Variants in IL17RD observed in about 807,000 individuals in gnomAD.
The protein encoded by IL17RD is interleukin-17 receptor D.
Under a neutral mutation model 80.5 loss-of-function variants are expected in IL17RD, and 52 were observed. The ratio of observed to expected loss-of-function variants is 0.65; its 90% confidence interval spans 0.52 to 0.81. IL17RD has a LOEUF of 0.81. IL17RD is among the 40% of genes least tolerant of loss of function. The pLI, the probability that IL17RD is intolerant of heterozygous loss-of-function variation, is 0.00. For missense variants in IL17RD, 1,024 were observed against 955.1 expected, an observed-to-expected ratio of 1.07 and a Z score of -0.95; for synonymous variants, 416 against 391.8, an observed-to-expected ratio of 1.06 and a Z score of -0.73.
intron 5 of IL17RD, among the ~76,000 whole-genome samples, chr3:57,108,995 G>C (rs766689256): frequency 6.6e-6 from 1 of 152,114 alleles, no homozygotes; most frequent in Non-Finnish European, 1.5e-5. Flanking sequence ...AATATCAACT[G>C]TCAGGTCTGT....
upstream of IL17RD, among the ~76,000 whole-genome samples, chr3:57,168,071 A>G (rs1011719741): frequency 6.6e-6 from 1 of 152,172 alleles, no homozygotes. Context: ...ACCTCAGGTA[A>G]TCTGCCTGCC....
At chr3:57,127,263 A>T (rs1365864193) in intron 1 of IL17RD, among the ~76,000 whole-genome samples, 1 of 91,234 alleles carries the variant, frequency 1.1e-5, no homozygotes, top group African/African-American at 6.6e-5. Context: ...AATATATATA[A>T]ATATATATAA....
chr3:57,118,638 T>G (rs1014510945), intron 2 of IL17RD, among the ~76,000 whole-genome samples: 1 of 152,258 alleles, frequency 6.6e-6, no homozygotes, highest in East Asian at 1.9e-4. Context: ...ACCCCCCACA[T>G]GCCCTTAGAA....
intron 2 of IL17RD, among the ~76,000 whole-genome samples, chr3:57,116,639 T>C (rs572955841): frequency 4.6e-5 from 7 of 152,310 alleles, no homozygotes; most frequent in African/African-American, 1.7e-4. Flanking sequence ...AACCAAATTC[T>C]ACTTCTAGTG....
rs763643058 is a variant in IL17RD, at chr3:57,098,555, G to A, written c.1165-17C>T. The stretch of plus-strand genomic sequence containing the variant: ...CAGAGCCACCTGGAAAGAGAACAAG[G>A]CACCTCACCCATACAGAAGGCTCGG... On this transcript the variant is annotated splice_polypyrimidine_tract_variant and intron_variant, in intron 11 of 12. Transcript: ENST00000296318. 9 of 1,541,120 alleles carry A rather than the reference G, an allele frequency of 5.8e-6. No individual in the cohort carries two copies. The highest frequency in any genetic ancestry group is 7.9e-6 in the Non-Finnish European group (9 of 1,134,248).
At chr3:57,134,706 G>T (rs544422770) in intron 1 of IL17RD, 21 of 687,812 alleles carry the variant, frequency 3.1e-5, no homozygotes, top group South Asian at 2.5e-4. Flanking sequence ...GTCTAAGGAG[G>T]AAGAGACCGA....
At position 57,105,779 on chromosome 3, in the gene IL17RD, T is replaced by C. The variant is rs1384606225; in HGVS notation, c.747+78A>G. The stretch of plus-strand genomic sequence containing the variant: ...GAGCCAACAAAGCCTAATGCTCACA[T>C]TGAGCAACCCAAATTCCAGTGGCCT... On this transcript the variant is annotated intron_variant, in intron 7 of 12. Transcript: ENST00000296318. 7.0e-6 allele frequency: 9 copies of C among 1,285,298 alleles called. No individual in the cohort carries two copies. The East Asian group carries it at 7.1e-5, about 10-fold the overall frequency. The allele number at this position is 1,285,298 out of a possible 1,614,324, so 79.6% of individuals were successfully genotyped here.
At chr3:57,107,919 TA>T (rs1459457801) in intron 5 of IL17RD, among the ~76,000 whole-genome samples, 2 of 152,118 alleles carry the variant, frequency 1.3e-5, no homozygotes, top group Non-Finnish European at 2.9e-5. Context: ...ACATGGACAT[TA>T]AATAAACAGA....
intron 1 of IL17RD, among the ~76,000 whole-genome samples, chr3:57,159,716 G>C (rs2060291149): frequency 6.6e-6 from 1 of 152,286 alleles, no homozygotes; most frequent in South Asian, 2.1e-4. Flanking sequence ...TGGCTGCCAG[G>C]GCAGGGTGGC....
At chr3:57,139,602 C>T (rs1707793395) in intron 1 of IL17RD, among the ~76,000 whole-genome samples, 1 of 151,582 alleles carries the variant, frequency 6.6e-6, no homozygotes. Flanking sequence ...CAGCCTCTGC[C>T]TCCTGGTTCC....
intron 1 of IL17RD, among the ~76,000 whole-genome samples, chr3:57,146,038 C>T (rs922874545): frequency 2.7e-5 from 4 of 147,774 alleles, no homozygotes; most frequent in East Asian, 2.2e-4. Flanking sequence ...CTCACGCGCG[C>T]GCGCGCGCAC....
chr3:57,166,188 C>T (rs979842664), upstream of IL17RD, among the ~76,000 whole-genome samples: 5 of 152,158 alleles, frequency 3.3e-5, no homozygotes, highest in Admixed American at 2.6e-4. Flanking sequence ...AGCGCTTTGC[C>T]TTTTATCTGA....
intron 1 of IL17RD, among the ~76,000 whole-genome samples, chr3:57,122,569 T>G (rs113498596): frequency 6.6e-6 from 1 of 152,134 alleles, no homozygotes. Flanking sequence ...GTGCTCCTTA[T>G]GAGAATCTAA....
intron 2 of IL17RD, among the ~76,000 whole-genome samples, chr3:57,116,917 C>T (rs1021051120): frequency 1.4e-5 from 2 of 147,116 alleles, no homozygotes; most frequent in East Asian, 3.9e-4. Flanking sequence ...AAGCAAGATC[C>T]TGTCATACTT....
At position 57,094,981 on chromosome 3, in the gene IL17RD, GC is replaced by G. The variant is rs1454257791; in HGVS notation, c.*1411del. On this transcript the variant is annotated 3_prime_UTR_variant, in exon 13 of 13. Coordinates refer to ENST00000296318, the MANE Select transcript of IL17RD (RefSeq NM_017563.5). ...CCTTTTCTTTCCAGCAGGGGTGCAA[GC>G]CCCCCTTTCCCCACCTGCCATGCAT... 3.9e-5 allele frequency: 6 copies of G among 152,614 alleles called. No homozygotes were observed. Among genetic ancestry groups the G allele is most frequent in the African/African-American group, 1.2e-4 (5 of 41,450 alleles). The allele number at this position is 152,614 out of a possible 1,614,324, so 9.5% of individuals were successfully genotyped here.
At chr3:57,106,672 T>G (rs1231264153) in intron 5 of IL17RD, among the ~76,000 whole-genome samples, 3 of 152,216 alleles carry the variant, frequency 2.0e-5, no homozygotes, top group Non-Finnish European at 2.9e-5. Context: ...TAAGTAGTAG[T>G]GTCAGCACTG....
intron 1 of IL17RD, among the ~76,000 whole-genome samples, chr3:57,145,889 C>G (rs1424478103): frequency 6.6e-6 from 1 of 152,222 alleles, no homozygotes; most frequent in Non-Finnish European, 1.5e-5. Context: ...CTCAATGAGA[C>G]AGCCTAACCA....
intron 1 of IL17RD, among the ~76,000 whole-genome samples, chr3:57,156,424 A>G (rs7431253): frequency 0.24 from 36,329 of 151,886 alleles, 5,627 homozygotes; most frequent in African/African-American, 0.4. Context: ...AATTAGCCAG[A>G]CTTGGTGGCA....
intron 1 of IL17RD, among the ~76,000 whole-genome samples, chr3:57,155,419 C>T (rs1485635400): frequency 6.6e-6 from 1 of 152,256 alleles, no homozygotes; most frequent in Non-Finnish European, 1.5e-5. Flanking sequence ...CCAGCCCACA[C>T]TCTCCCTGTC....
Sources: allele counts gnomAD v4.1 joint callset (sites outside exome capture counted in the v4.1 genomes callset), GRCh38; gene constraint gnomAD v4.1.1; transcripts MANE v1.5; gene names NCBI Gene and HGNC (gene_info 2026-07-23, HGNC 2026-07-21).